The following ECT2 variants were observed in gnomAD, a reference collection of about 807,000 sequenced individuals.
The protein encoded by ECT2 is protein ECT2.
A neutral mutation model predicts 116.9 loss-of-function variants in ECT2; 61 were observed. The observed-to-expected ratio is 0.52, with a 90% CI of 0.42 to 0.65. The LOEUF (loss-of-function observed/expected upper bound fraction) is 0.65, where lower values mean the gene tolerates loss of function less well. ECT2 is among the 30% of genes least tolerant of loss of function. The pLI is 0.00. For missense variants in ECT2, 937 were observed against 1,078.7 expected (o/e 0.87, Z 1.84); for synonymous variants, 358 against 346.4 (o/e 1.03, Z -0.37).
chr3:172,760,097 A>T, intron 6 of ECT2, 59 bp from the exon 7 acceptor site: 1 of 1,087,004 alleles, frequency 9.2e-7, no homozygotes, highest in Non-Finnish European at 1.3e-6. Context: ...GGGTAAACAT[A>T]GTTTAAAATT....
rs768326382 is a variant in ECT2 at position 172,794,981 on chromosome 3, C to T, written c.1908-7635C>T. Among the ~76,000 whole-genome samples the T allele has an allele frequency of 7.9e-5, 12 of 151,936 alleles. No individual in the cohort carries two copies. In the East Asian group the frequency reaches 9.7e-4, roughly 12 times the overall value. On this transcript the variant is annotated intron_variant, in intron 18 of 24. Transcript: ENST00000392692. ...CCCACCTTGGCCTCCCAAAGTTCTT[C>T]GATTACAGGCATGAGCCACCGCACT...
At chr3:172,757,188 A>T in intron 5 of ECT2, 23 bp downstream of exon 5, 1 of 1,400,172 alleles carries the variant, frequency 7.1e-7, no homozygotes, top group South Asian at 1.8e-5. Context: ...ATTTATTATG[A>T]CTTTTCAAGT....
chr3:172,782,070 G>T (rs1722791129), intron 14 of ECT2, 93 bp from the exon 15 acceptor site: 1 of 610,390 alleles, frequency 1.6e-6, no homozygotes, highest in African/African-American at 1.9e-5. Context: ...ACTTTGTAAA[G>T]TGCTTCTTTC....
chr3:172,762,000 G>A (rs1055352883), intron 8 of ECT2, among the ~76,000 whole-genome samples: 2 of 151,912 alleles, frequency 1.3e-5, no homozygotes, highest in Non-Finnish European at 2.9e-5. Context: ...TGTGTTATCT[G>A]GTTACATTTT....
rs1716813964 is a variant in ECT2 at position 172,755,580 on chromosome 3, G to A, written c.303+5G>A. ...ATAAAAAGTGTTATTAATATGGTAG[G>A]TCAAAGTAACTCATTGCATGTGGCA... On this transcript the variant is annotated splice_donor_5th_base_variant and intron_variant, in intron 4 of 24. Transcript: ENST00000392692. 5 of 1,385,088 alleles carry A rather than the reference G, an allele frequency of 3.6e-6. No homozygotes were observed. In the Admixed American group the frequency reaches 7.2e-5, roughly 20 times the overall value. 85.8% of individuals were successfully genotyped at this position (1,385,088 alleles called of 1,614,324 possible).
chr3:172,750,942 C>G (rs991246027), intron 1 of ECT2, 85 bp downstream of exon 1: 1 of 152,496 alleles, frequency 6.6e-6, no homozygotes, highest in Non-Finnish European at 1.5e-5. Context: ...TCGACGTCCC[C>G]GCCCCTAGTG....
At chr3:172,766,942 T>G (rs1719515302) in intron 12 of ECT2, among the ~76,000 whole-genome samples, 1 of 152,226 alleles carries the variant, frequency 6.6e-6, no homozygotes, top group Non-Finnish European at 1.5e-5. Flanking sequence ...ATGTGACAAC[T>G]ATACTGATAT....
chr3:172,821,930 A>G (rs992070696), downstream of ECT2, among the ~76,000 whole-genome samples: 4 of 151,874 alleles, frequency 2.6e-5, no homozygotes, highest in African/African-American at 7.2e-5. Flanking sequence ...ACTGTTATCT[A>G]TCTGCCTTAG....
intron 13 of ECT2, 117 bp from the exon 14 acceptor site, chr3:172,773,786 A>AT (rs1721120728): frequency 9.4e-6 from 10 of 1,069,416 alleles, no homozygotes; most frequent in Middle Eastern, 2.9e-4. Flanking sequence ...TAGGGAGAGT[A>AT]TTTTTTATTA....
In ECT2 at chr3:172,784,722, C is replaced by A; in HGVS notation, c.1744C>A (p.Pro582Thr). ...HAFLKINQAK[P>T]ECGRQSLVEL... The stretch of plus-strand genomic sequence containing the variant: ...TTGTTTTCAGATAAACCAAGCAAAA[C>A]CAGAATGTGGACGGCAGAGCCTTGT... The change falls in exon 17 of 25, where the codon CCA (proline) becomes ACA (threonine). Residue 582 changes from proline (P) to threonine (T), a missense_variant. By Grantham distance (38) the Pro-to-Thr change is conservative. Coordinates refer to ENST00000392692, the MANE Select transcript of ECT2 (RefSeq NM_001258315.2). 2 of 1,613,392 alleles carry A rather than the reference C, an allele frequency of 1.2e-6. No homozygotes were observed. Among genetic ancestry groups the A allele is most frequent in the Non-Finnish European group, 1.7e-6 (2 of 1,179,422 alleles).
chr3:172,753,607 G>A (rs570168306), intron 1 of ECT2, among the ~76,000 whole-genome samples: 1 of 152,318 alleles, frequency 6.6e-6, no homozygotes, highest in African/African-American at 2.4e-5. Context: ...TACCGGAGAG[G>A]TTTAGAGACA....
intron 13 of ECT2, among the ~76,000 whole-genome samples, chr3:172,770,997 G>GGCC (rs1720521280): frequency 3.3e-5 from 5 of 152,112 alleles, no homozygotes; most frequent in Non-Finnish European, 7.4e-5. Flanking sequence ...TCTGTGTGTT[G>GGCC]TGCATCAGAA....
intron 5 of ECT2, among the ~76,000 whole-genome samples, chr3:172,757,719 C>T (rs1434477681): frequency 2.0e-5 from 3 of 151,980 alleles, no homozygotes; most frequent in Non-Finnish European, 4.4e-5. Context: ...CTGGCGTATA[C>T]ACTATCAATA....
In ECT2 at chr3:172,816,764, C is replaced by G. The variant is rs1424645543; in HGVS notation, c.2582C>G (p.Ser861Ter). 6.2e-7 allele frequency: 1 copy of G among 1,611,420 alleles called. No individual in the cohort carries two copies. Among genetic ancestry groups the G allele is most frequent in the Non-Finnish European group, 8.5e-7 (1 of 1,178,196 alleles). Reference protein sequence around the residue: ...LRRALMTSHGSVEGRSPSSND... With the variant: ...LRRALMTSHG ...AGGGCTCTTATGACATCCCACGGCT[C>G]AGTGGAGGGAAGAAGTCCTTCCAGC... Residue 861 changes from serine to a stop codon, truncating the protein, a stop_gained, in exon 24 of 25, where the codon TCA (serine) becomes TGA (stop). Transcript: ENST00000392692. LOFTEE classifies it high-confidence loss of function.
intron 18 of ECT2, among the ~76,000 whole-genome samples, chr3:172,797,588 A>C (rs911206598): frequency 6.6e-6 from 1 of 152,130 alleles, no homozygotes; most frequent in Non-Finnish European, 1.5e-5. Flanking sequence ...GTTACTGTGT[A>C]ACATTGTTCC....
chr3:172,814,884 T>C (rs1297347229), intron 22 of ECT2, among the ~76,000 whole-genome samples: 1 of 152,168 alleles, frequency 6.6e-6, no homozygotes, highest in Admixed American at 6.5e-5. Flanking sequence ...CACTGTGCAA[T>C]AGAACAACAG....
At chr3:172,793,234 C>T (rs747321904) in intron 18 of ECT2, among the ~76,000 whole-genome samples, 2 of 152,136 alleles carry the variant, frequency 1.3e-5, no homozygotes, top group South Asian at 2.1e-4. Context: ...AGTGCGATCT[C>T]GGCTCACTGC....
At position 172,762,939 on chromosome 3, in the gene ECT2, C is replaced by T. The variant is rs1718613169; in HGVS notation, c.1035C>T (p.Ala345=). The change falls in exon 11 of 25, where the codon GCC becomes GCT. Residue 345 remains alanine (A), a synonymous_variant. Transcript: ENST00000392692. ...TCTGGGGAAGCATTCAAATGGATGC[C>T]CGAGCTGGAGAAACTATGTATTTAT... The part of the protein sequence containing the change: ...EWFWGSIQMD[A]RAGETMYLYE... 49 of 1,613,544 alleles carry T rather than the reference C, an allele frequency of 3.0e-5. No homozygotes were observed. Among genetic ancestry groups the T allele is most frequent in the Non-Finnish European group, 4.2e-5 (49 of 1,179,814 alleles).
In ECT2 at chr3:172,754,566, G is replaced by GA; in HGVS notation, c.37dup (p.Arg13LysfsTer3). On this transcript the variant is annotated frameshift_variant, in exon 2 of 25. Transcript: ENST00000392692. LOFTEE classifies it high-confidence loss of function. ...ATAGTGTATTAACATCCACTACTGGGAGGACTAGCTTGGCAGACTCTTCCA... is the reference window on the plus strand; with the variant it reads ...ATAGTGTATTAACATCCACTACTGGGAAGGACTAGCTTGGCAGACTCTTCCA... 1 of 1,611,256 alleles carries GA rather than the reference G, an allele frequency of 6.2e-7. No homozygotes were observed. Among genetic ancestry groups the GA allele is most frequent in the Non-Finnish European group, 8.5e-7 (1 of 1,178,644 alleles).
Sources: allele counts gnomAD v4.1 joint callset (sites outside exome capture counted in the v4.1 genomes callset), GRCh38; gene constraint gnomAD v4.1.1; transcripts MANE v1.5; gene names NCBI Gene and HGNC (gene_info 2026-07-23, HGNC 2026-07-21).